The following DYNC2H1 variants were observed in gnomAD, a reference collection of about 807,000 sequenced individuals.
The protein encoded by DYNC2H1 is cytoplasmic dynein 2 heavy chain 1.
In DYNC2H1, 410 loss-of-function variants were observed where a neutral mutation model predicts 570.0. That is an observed-to-expected ratio of 0.72 (90% confidence interval 0.66 to 0.78). DYNC2H1 has a LOEUF of 0.78. DYNC2H1 is among the 30% of genes least tolerant of loss of function. The pLI, the probability that DYNC2H1 is intolerant of heterozygous loss-of-function variation, is 0.00. For missense variants in DYNC2H1, 4,865 were observed against 5,046.4 expected, an observed-to-expected ratio of 0.96 and a Z score of 1.09; for synonymous variants, 1,688 against 1,677.6, an observed-to-expected ratio of 1.01 and a Z score of -0.15.
chr11:103,237,349 A>G (rs2135204150), intron 63 of DYNC2H1, among the ~76,000 whole-genome samples: 1 of 152,020 alleles, frequency 6.6e-6, no homozygotes, highest in Non-Finnish European at 1.5e-5. Context: ...GCTCCTCTTT[A>G]TGTAGCATAA....
chr11:103,364,669 A>G (rs1940817077), intron 83 of DYNC2H1, among the ~76,000 whole-genome samples: 1 of 151,080 alleles, frequency 6.6e-6, no homozygotes, highest in Non-Finnish European at 1.5e-5. Flanking sequence ...TCACTTCTAT[A>G]GGTTGTGGTT....
chr11:103,436,692 T>C (rs548900895), intron 85 of DYNC2H1, among the ~76,000 whole-genome samples: 1 of 152,246 alleles, frequency 6.6e-6, no homozygotes, highest in South Asian at 2.1e-4. Context: ...TTCACATTTG[T>C]CATCACTCAT....
At chr11:103,196,035 A>G (rs1273949243) in intron 47 of DYNC2H1, among the ~76,000 whole-genome samples, 1 of 152,216 alleles carries the variant, frequency 6.6e-6, no homozygotes, top group East Asian at 1.9e-4. Context: ...AGAGAGAGAT[A>G]GAAGATTCAA....
intron 17 of DYNC2H1, 90 bp downstream of exon 17, chr11:103,136,038 T>G: frequency 9.3e-7 from 1 of 1,080,372 alleles, no homozygotes; most frequent in Non-Finnish European, 1.2e-6. Flanking sequence ...ATAGTTTACC[T>G]TGTGTGGCAT....
At chr11:103,301,539 A>T (rs11225671) in intron 75 of DYNC2H1, among the ~76,000 whole-genome samples, 7,820 of 152,046 alleles carry the variant, frequency 0.051, 256 homozygotes, top group Non-Finnish European at 0.075. Context: ...CTAACAATTG[A>T]ATAGTTGTTA....
rs1366811084 is a variant in DYNC2H1 at position 103,395,494 on chromosome 11, CA to C, written c.12157-4168del. Among the ~76,000 whole-genome samples the C allele has an allele frequency of 1.0e-4, 3 of 28,972 alleles. No homozygotes were observed. Among genetic ancestry groups the C allele is most frequent in the Non-Finnish European group, 4.3e-4 (3 of 6,970 alleles). The allele number at this position is 28,972 out of a possible 152,430, so 19.0% of individuals were successfully genotyped here. ...TCATATATATATTTATGTATATGTA[CA>C]CACACACACACACACACACACTTCT... On this transcript the variant is annotated intron_variant, in intron 83 of 88. Transcript: ENST00000375735. The surrounding 1 kb of genome is among the most constrained non-coding windows in gnomAD (Gnocchi z 4.3).
intron 88 of DYNC2H1, among the ~76,000 whole-genome samples, chr11:103,473,042 TA>T (rs1205290956): frequency 6.6e-6 from 1 of 152,088 alleles, no homozygotes; most frequent in African/African-American, 2.4e-5. Flanking sequence ...TGGTGATACT[TA>T]AAAAAGGGTA....
intron 15 of DYNC2H1, 74 bp downstream of exon 15, chr11:103,134,493 G>C (rs1237550830): frequency 8.5e-7 from 1 of 1,179,274 alleles, no homozygotes; most frequent in Non-Finnish European, 1.2e-6. Flanking sequence ...TATATGAATT[G>C]CCGAGAAGTT....
At chr11:103,429,877 A>C (rs767402207) in intron 84 of DYNC2H1, among the ~76,000 whole-genome samples, 1 of 152,130 alleles carries the variant, frequency 6.6e-6, no homozygotes, top group Non-Finnish European at 1.5e-5. Flanking sequence ...TTCACACATC[A>C]TAAAAACCTT....
At chr11:103,412,770 GAGGA>G (rs1198161927) in intron 84 of DYNC2H1, among the ~76,000 whole-genome samples, 8 of 152,256 alleles carry the variant, frequency 5.3e-5, no homozygotes, top group South Asian at 2.1e-4. Flanking sequence ...AAAAATTGAA[GAGGA>G]AGGATGTACT....
rs1338804386 is a variant in DYNC2H1 at position 103,177,852 on chromosome 11, T to C, written c.6139+32T>C. ...CTCTATGTATACTTCTTTGCTTTACTTAGTAATTCTTAGATAATGATATAA... is the reference window on the plus strand; with the variant it reads ...CTCTATGTATACTTCTTTGCTTTACCTAGTAATTCTTAGATAATGATATAA... On this transcript the variant is annotated intron_variant, in intron 38 of 88. Transcript: ENST00000375735. The surrounding 1 kb of genome is among the most constrained non-coding windows in gnomAD (Gnocchi z 4.4). 6.4e-7 allele frequency: 1 copy of C among 1,563,678 alleles called. No individual in the cohort carries two copies. Among genetic ancestry groups the C allele is most frequent in the Non-Finnish European group, 8.6e-7 (1 of 1,163,470 alleles).
At chr11:103,248,644 A>G (rs1287928248) in intron 65 of DYNC2H1, among the ~76,000 whole-genome samples, 5 of 152,082 alleles carry the variant, frequency 3.3e-5, no homozygotes, top group Non-Finnish European at 5.9e-5. Flanking sequence ...ATTCAGACAG[A>G]TAAAATTGTG....
chr11:103,152,098 G>T, intron 20 of DYNC2H1, 38 bp from the exon 21 acceptor site: 7 of 1,463,218 alleles, frequency 4.8e-6, no homozygotes, highest in South Asian at 1.3e-5. Flanking sequence ...GATAAAATAG[G>T]TTGTTATTCA....
chr11:103,388,735 T>C (rs1008819932), intron 83 of DYNC2H1, among the ~76,000 whole-genome samples: 8 of 152,228 alleles, frequency 5.3e-5, no homozygotes, highest in African/African-American at 1.4e-4. Context: ...GTCAAAGGCC[T>C]TTTCTGTATC....
intron 83 of DYNC2H1, among the ~76,000 whole-genome samples, chr11:103,392,727 T>G (rs1268089411): frequency 6.6e-6 from 1 of 151,970 alleles, no homozygotes; most frequent in Non-Finnish European, 1.5e-5. Flanking sequence ...TTAGGGGGTA[T>G]GGAGGCAAAG....
chr11:103,391,119 C>T (rs1421892817), intron 83 of DYNC2H1, among the ~76,000 whole-genome samples: 1 of 152,230 alleles, frequency 6.6e-6, no homozygotes, highest in African/African-American at 2.4e-5. Flanking sequence ...TTCTTCCCAT[C>T]AGTTTCAGGT....
At chr11:103,121,963 T>C (rs923728932) in intron 10 of DYNC2H1, among the ~76,000 whole-genome samples, 3 of 151,942 alleles carry the variant, frequency 2.0e-5, no homozygotes, top group African/African-American at 2.4e-5. Flanking sequence ...AAAAAAAATA[T>C]TGTAAAATTT....
At chr11:103,260,098 A>G (rs1865210628) in intron 70 of DYNC2H1, 121 bp downstream of exon 70, 6 of 527,442 alleles carry the variant, frequency 1.1e-5, no homozygotes, top group Non-Finnish European at 1.8e-5. Flanking sequence ...TATTTCTGGT[A>G]TTTTTCCAGA....
chr11:103,279,714 T>A (rs1297097666), intron 70 of DYNC2H1, among the ~76,000 whole-genome samples: 1 of 152,210 alleles, frequency 6.6e-6, no homozygotes, highest in African/African-American at 2.4e-5. Flanking sequence ...TGGTTCTGCT[T>A]TCGTTTTACC....
Sources: allele counts gnomAD v4.1 joint callset (sites outside exome capture counted in the v4.1 genomes callset), GRCh38; gene constraint gnomAD v4.1.1; non-coding constraint Gnocchi (gnomAD v3.1); transcripts MANE v1.5; gene names NCBI Gene and HGNC (gene_info 2026-07-23, HGNC 2026-07-21).